BCAT1: variants seen among roughly 807,000 people sequenced by gnomAD.
BCAT1 encodes branched-chain-amino-acid aminotransferase, cytosolic.
BCAT1 carries 48 observed loss-of-function variants against 52.4 expected under a neutral mutation model. The ratio of observed to expected loss-of-function variants is 0.92; its 90% CI spans 0.73 to 1.16. BCAT1 has a LOEUF of 1.16. Ranked by LOEUF, BCAT1 falls within the 50% of genes most tolerant of loss-of-function variation. BCAT1 has a pLI of 0.00. For synonymous variants in BCAT1, 167 were observed against 161.3 expected (o/e 1.04, Z -0.27); for missense variants, 451 against 457.1 (o/e 0.99, Z 0.12).
chr12:24,888,237 A>C (rs1247999045), intron 3 of BCAT1, among the ~76,000 whole-genome samples: 1 of 152,208 alleles, frequency 6.6e-6, no homozygotes. Flanking sequence ...GGCCAGGTGC[A>C]GTGGCTCATG....
At chr12:24,858,264 G>T (rs1941751339) in intron 5 of BCAT1, among the ~76,000 whole-genome samples, 2 of 152,136 alleles carry the variant, frequency 1.3e-5, no homozygotes, top group Non-Finnish European at 2.9e-5. Flanking sequence ...GCATAGAAAA[G>T]AGCTCTAATT....
intron 3 of BCAT1, among the ~76,000 whole-genome samples, chr12:24,889,793 C>A (rs1257572609): frequency 6.6e-6 from 1 of 152,128 alleles, no homozygotes; most frequent in South Asian, 2.1e-4. Context: ...AATTCAATAC[C>A]ACCCTAGGCT....
chr12:24,856,373 T>G (rs1002361854), intron 5 of BCAT1, among the ~76,000 whole-genome samples: 2 of 152,132 alleles, frequency 1.3e-5, no homozygotes, highest in Non-Finnish European at 2.9e-5. Flanking sequence ...TCCAATGCCC[T>G]CCTATTATGG....
At chr12:24,927,880 A>T (rs926979425) in intron 1 of BCAT1, among the ~76,000 whole-genome samples, 1 of 152,176 alleles carries the variant, frequency 6.6e-6, no homozygotes, top group Non-Finnish European at 1.5e-5. Flanking sequence ...CACTTTCAAA[A>T]ATCTACCATC....
chr12:24,824,860 T>C (rs902279432), intron 10 of BCAT1, among the ~76,000 whole-genome samples: 5 of 152,198 alleles, frequency 3.3e-5, no homozygotes, highest in African/African-American at 1.2e-4. Flanking sequence ...TTCAGTTTAA[T>C]GGTAATAAAT....
chr12:24,871,084 C>T (rs1942173402), intron 5 of BCAT1, among the ~76,000 whole-genome samples: 1 of 152,094 alleles, frequency 6.6e-6, no homozygotes, highest in African/African-American at 2.4e-5. Context: ...GAGTACAGTG[C>T]CTGACAAGTG....
chr12:24,818,746 T>G (rs891457003), intron 10 of BCAT1, among the ~76,000 whole-genome samples: 4 of 152,236 alleles, frequency 2.6e-5, no homozygotes, highest in Non-Finnish European at 4.4e-5. Context: ...AGTCAGAATT[T>G]CATTCTTTGC....
At chr12:24,927,591 C>A (rs1386602994) in intron 1 of BCAT1, among the ~76,000 whole-genome samples, 1 of 152,116 alleles carries the variant, frequency 6.6e-6, no homozygotes, top group Non-Finnish European at 1.5e-5. Flanking sequence ...GTGACATTAA[C>A]ACATTTTGGA....
At chr12:24,874,747 G>T (rs1311004387) in intron 5 of BCAT1, among the ~76,000 whole-genome samples, 1 of 152,160 alleles carries the variant, frequency 6.6e-6, no homozygotes, top group Non-Finnish European at 1.5e-5. Context: ...TTCGATTTGG[G>T]TCTGGGCTGG....
At chr12:24,893,855 T>G (rs1190612261) in intron 3 of BCAT1, among the ~76,000 whole-genome samples, 8 of 152,210 alleles carry the variant, frequency 5.3e-5, no homozygotes, top group Admixed American at 6.5e-5. Context: ...TCCCTTAACA[T>G]GCATAACTAG....
intron 3 of BCAT1, among the ~76,000 whole-genome samples, chr12:24,891,480 T>G (rs1043383904): frequency 6.6e-6 from 1 of 152,116 alleles, no homozygotes; most frequent in Non-Finnish European, 1.5e-5. Context: ...CCCAGAAACA[T>G]GAAAAATAAT....
chr12:24,897,911 C>G (rs889188071), intron 2 of BCAT1, among the ~76,000 whole-genome samples: 1 of 152,012 alleles, frequency 6.6e-6, no homozygotes, highest in African/African-American at 2.4e-5. Context: ...TCATCATGAA[C>G]TTTTCTCTAC....
intron 2 of BCAT1, among the ~76,000 whole-genome samples, chr12:24,901,169 T>C (rs932793039): frequency 1.3e-5 from 2 of 152,182 alleles, no homozygotes; most frequent in African/African-American, 4.8e-5. Context: ...CGCCAGGATG[T>C]GAGATCATTA....
chr12:24,945,109 C>T (rs1432800519), intron 1 of BCAT1, among the ~76,000 whole-genome samples: 1 of 152,134 alleles, frequency 6.6e-6, no homozygotes, highest in Non-Finnish European at 1.5e-5. Flanking sequence ...GATAATTTAG[C>T]TTTGTGGACT....
intron 2 of BCAT1, among the ~76,000 whole-genome samples, chr12:24,899,520 A>G (rs1943038708): frequency 6.6e-6 from 1 of 152,218 alleles, no homozygotes; most frequent in Non-Finnish European, 1.5e-5. Flanking sequence ...TAAACCAACA[A>G]TCCTACTACT....
At chr12:24,869,228 T>C (rs887043913) in intron 5 of BCAT1, among the ~76,000 whole-genome samples, 3 of 152,046 alleles carry the variant, frequency 2.0e-5, no homozygotes, top group Admixed American at 1.3e-4. Flanking sequence ...AGTTTGGCAG[T>C]GAGACAGCCA....
intron 6 of BCAT1, among the ~76,000 whole-genome samples, chr12:24,844,899 A>AAAAAAAAAAAAAAG (rs1941296019): frequency 7.4e-6 from 1 of 134,912 alleles, no homozygotes; most frequent in Non-Finnish European, 1.6e-5. Context: ...TGTCTCAAAA[A>AAAAAAAAAAAAAAG]AAAAAAAAAA....
At chr12:24,928,632 CAAAA>C (rs34227038) in intron 1 of BCAT1, among the ~76,000 whole-genome samples, 2 of 85,380 alleles carry the variant, frequency 2.3e-5, no homozygotes, top group East Asian at 4.3e-4. Flanking sequence ...GAGACAGTCT[CAAAA>C]AAAAAAAAAA....
chr12:24,818,587 T>G (rs1939976718), intron 10 of BCAT1, among the ~76,000 whole-genome samples: 1 of 152,172 alleles, frequency 6.6e-6, no homozygotes, highest in Non-Finnish European at 1.5e-5. Flanking sequence ...GATTCCGACA[T>G]GCACTAAAGA....
Sources: allele counts gnomAD v4.1 joint callset (sites outside exome capture counted in the v4.1 genomes callset), GRCh38; gene constraint gnomAD v4.1.1; transcripts MANE v1.5; gene names NCBI Gene and HGNC (gene_info 2026-07-23, HGNC 2026-07-21).